The following MTHFD1L variants were observed in gnomAD, a reference collection of about 807,000 sequenced individuals.
MTHFD1L encodes methylenetetrahydrofolate dehydrogenase (NADP+ dependent) 1 like.
MTHFD1L carries 81 observed loss-of-function variants against 119.5 expected under a neutral mutation model. The observed-to-expected ratio is 0.68, with a 90% CI of 0.57 to 0.82. The LOEUF is 0.82. Ranked by LOEUF, MTHFD1L falls within the 40% of genes least tolerant of loss-of-function variation. The probability of loss-of-function intolerance (pLI) is 0.00; values close to 1 mark genes in which losing one functional copy is unlikely to be tolerated. For missense variants in MTHFD1L, 1,125 were observed against 1,253.4 expected (o/e 0.90, Z 1.55); for synonymous variants, 430 against 475.2 (o/e 0.90, Z 1.24).
intron 8 of MTHFD1L, among the ~76,000 whole-genome samples, chr6:150,916,292 C>CGTT (rs1208166811): frequency 1.2e-4 from 5 of 40,014 alleles, no homozygotes; most frequent in African/African-American, 3.9e-4. Flanking sequence ...AAGGTAGAAT[C>CGTT]TTTTTTTTTT....
At chr6:150,866,121 G>T in intron 1 of MTHFD1L, 72 bp downstream of exon 1, 1 of 1,453,814 alleles carries the variant, frequency 6.9e-7, no homozygotes, top group Admixed American at 2.5e-5. Context: ...GAGCGCCCGG[G>T]ACCGCCGTGG....
intron 26 of MTHFD1L, among the ~76,000 whole-genome samples, chr6:151,079,613 T>C (rs531952044): frequency 9.2e-5 from 14 of 151,898 alleles, no homozygotes; most frequent in African/African-American, 2.9e-4. Flanking sequence ...CTTCAGCCTC[T>C]CAAGTAGCTA....
At chr6:150,927,750 C>T (rs1790286511) in intron 11 of MTHFD1L, among the ~76,000 whole-genome samples, 1 of 152,108 alleles carries the variant, frequency 6.6e-6, no homozygotes, top group South Asian at 2.1e-4. Context: ...AGCCACCGCA[C>T]CTGGCCACAT....
chr6:150,990,373 A>G (rs1583987685), intron 20 of MTHFD1L, among the ~76,000 whole-genome samples: 1 of 152,192 alleles, frequency 6.6e-6, no homozygotes, highest in African/African-American at 2.4e-5. Context: ...AGTTAATAGC[A>G]GAGGAATACC....
chr6:151,024,910 T>C (rs917542541), intron 24 of MTHFD1L, among the ~76,000 whole-genome samples: 1 of 152,078 alleles, frequency 6.6e-6, no homozygotes, highest in Admixed American at 6.5e-5. Flanking sequence ...TGTACATGAG[T>C]GTTCCTGGGC....
chr6:151,099,816 CGA>C, intron 27 of MTHFD1L: 1 of 1,603,490 alleles, frequency 6.2e-7, no homozygotes. Flanking sequence ...GTACTTGTGC[CGA>C]GATCGCTCAC....
intron 10 of MTHFD1L, among the ~76,000 whole-genome samples, chr6:150,924,940 G>T (rs762790249): frequency 6.6e-6 from 1 of 151,850 alleles, no homozygotes; most frequent in Non-Finnish European, 1.5e-5. Flanking sequence ...CGGTACTTGA[G>T]GGGGGTAACC....
chr6:150,889,226 A>G (rs1718052051), intron 7 of MTHFD1L, among the ~76,000 whole-genome samples: 2 of 152,298 alleles, frequency 1.3e-5, no homozygotes, highest in Admixed American at 6.5e-5. Context: ...TGACTTAACT[A>G]GTTATGTATA....
intron 26 of MTHFD1L, among the ~76,000 whole-genome samples, chr6:151,069,273 C>CTG (rs1488840031): frequency 4.2e-4 from 64 of 151,688 alleles, no homozygotes; most frequent in African/African-American, 1.5e-3. Flanking sequence ...CTCTCTCTCT[C>CTG]TCTCTCTCCC....
intron 20 of MTHFD1L, among the ~76,000 whole-genome samples, chr6:151,008,223 A>G (rs572287134): frequency 4.5e-4 from 69 of 152,388 alleles, no homozygotes; most frequent in African/African-American, 1.5e-3. Context: ...GCTGCCACTT[A>G]TAATTGTAAA....
At chr6:151,006,371 T>C (rs1781392759) in intron 20 of MTHFD1L, among the ~76,000 whole-genome samples, 1 of 152,072 alleles carries the variant, frequency 6.6e-6, no homozygotes, top group Non-Finnish European at 1.5e-5. Context: ...ACATAGAGTA[T>C]GTGGGCTGTG....
chr6:150,886,206 G>A (rs1782234982), intron 6 of MTHFD1L, among the ~76,000 whole-genome samples: 1 of 152,212 alleles, frequency 6.6e-6, no homozygotes, highest in South Asian at 2.1e-4. Flanking sequence ...GCCAAGGCCA[G>A]AGGATCACTT....
At chr6:150,952,440 G>A (rs1794994302) in intron 16 of MTHFD1L, among the ~76,000 whole-genome samples, 1 of 152,202 alleles carries the variant, frequency 6.6e-6, no homozygotes, top group Non-Finnish European at 1.5e-5. Flanking sequence ...GGTGCACGGT[G>A]GTGGGAGTGA....
intron 8 of MTHFD1L, chr6:150,912,587 A>G: frequency 2.3e-6 from 1 of 435,776 alleles, no homozygotes; most frequent in Non-Finnish European, 4.8e-6. Context: ...TGGTCTCTGC[A>G]CTGCTCATAT....
In MTHFD1L at chr6:151,000,121, C is replaced by T. The variant is rs542046632; in HGVS notation, c.2126-9698C>T. ...TTGGGAAGCCGAGGCAGGTGGATCA[C>T]GAGGTCAAGACATTGAGACCATCCT... On this transcript the variant is annotated intron_variant, in intron 20 of 27. Transcript: ENST00000367321. Among the ~76,000 whole-genome samples, 14 of 152,200 alleles carry T rather than the reference C, an allele frequency of 9.2e-5. No homozygotes were observed. In the South Asian group the frequency reaches 2.1e-3, roughly 23 times the overall value.
At chr6:151,095,972 G>A (rs1459945214) in intron 27 of MTHFD1L, among the ~76,000 whole-genome samples, 2 of 152,216 alleles carry the variant, frequency 1.3e-5, no homozygotes, top group African/African-American at 4.8e-5. Context: ...TCGACAACCT[G>A]CTCAAGTTGT....
In MTHFD1L at chr6:150,917,060, C is replaced by T. The variant is rs148586567; in HGVS notation, c.893-1517C>T. ...ACAGGCGTGAGCCACCATGCCTGGCCGGTTCTATAACTTCTATGATAGAGA... is the reference window on the plus strand; with the variant it reads ...ACAGGCGTGAGCCACCATGCCTGGCTGGTTCTATAACTTCTATGATAGAGA... On this transcript the variant is annotated intron_variant, in intron 8 of 27. Coordinates refer to ENST00000367321, the MANE Select transcript of MTHFD1L (RefSeq NM_015440.5). Among the ~76,000 whole-genome samples the T allele has an allele frequency of 1.6e-3, 244 of 151,866 alleles. 1 individual carries two copies. Among genetic ancestry groups the T allele is most frequent in the African/African-American group, 5.6e-3 (230 of 41,416 alleles).
chr6:150,975,016 G>A (rs1276738656), intron 20 of MTHFD1L, among the ~76,000 whole-genome samples: 2 of 152,080 alleles, frequency 1.3e-5, no homozygotes, highest in African/African-American at 4.8e-5. Flanking sequence ...GGGATTACAG[G>A]TGTGAGCCAC....
chr6:151,027,871 T>G (rs945816410), intron 24 of MTHFD1L, among the ~76,000 whole-genome samples: 6 of 152,192 alleles, frequency 3.9e-5, no homozygotes, highest in African/African-American at 1.2e-4. Context: ...GCTTTTGAGC[T>G]GTGAGTTGAA....
Sources: allele counts gnomAD v4.1 joint callset (sites outside exome capture counted in the v4.1 genomes callset), GRCh38; gene constraint gnomAD v4.1.1; transcripts MANE v1.5; gene names NCBI Gene and HGNC (gene_info 2026-07-23, HGNC 2026-07-21).